The following LRRK1 variants were observed in gnomAD, a reference collection of about 807,000 sequenced individuals.
The protein encoded by LRRK1 is leucine-rich repeat serine/threonine-protein kinase 1.
LRRK1 carries 113 observed loss-of-function variants against 209.1 expected under a neutral mutation model. The observed-to-expected ratio is 0.54, with a 90% CI of 0.46 to 0.63. The LOEUF (loss-of-function observed/expected upper bound fraction) is 0.63, where lower values mean the gene tolerates loss of function less well. Among genes scored for constraint, LRRK1 ranks in the 30% least tolerant of loss-of-function variants. The pLI, the probability that LRRK1 is intolerant of heterozygous loss-of-function variation, is 0.00. For missense variants in LRRK1, 2,284 were observed against 2,632.2 expected (o/e 0.87, Z 2.89); for synonymous variants, 1,144 against 1,099.7 (o/e 1.04, Z -0.80).
chr15:101,058,179 G>A (rs1357599593), intron 29 of LRRK1, 38 bp downstream of exon 29: 1 of 1,604,526 alleles, frequency 6.2e-7, no homozygotes, highest in South Asian at 1.1e-5. Flanking sequence ...CTTTGTATTT[G>A]GGGTGGGAGG....
rs1050230447 is a variant in LRRK1 at position 100,968,652 on chromosome 15, TTTTC to T, written c.98-5136_98-5133del. Among the ~76,000 whole-genome samples the T allele has an allele frequency of 1.1e-3, 159 of 151,426 alleles. No homozygotes were observed. In the East Asian group the frequency reaches 0.013, roughly 12 times the overall value. The stretch of plus-strand genomic sequence containing the variant: ...CTCTCTCTTTCTTTCTTCCTTTTCT[TTTTC>T]TTTCTTTCTTTCTTTTTCTTTCTTT... On this transcript the variant is annotated intron_variant, in intron 2 of 33. Transcript: ENST00000388948.
intron 2 of LRRK1, among the ~76,000 whole-genome samples, chr15:100,963,784 C>T (rs1567203523): frequency 1.3e-5 from 2 of 152,212 alleles, no homozygotes; most frequent in Non-Finnish European, 2.9e-5. Flanking sequence ...AGGCCTCCCA[C>T]GATGGCCAAT....
intron 1 of LRRK1, among the ~76,000 whole-genome samples, chr15:100,920,689 A>G (rs946542003): frequency 8.0e-6 from 1 of 124,780 alleles, no homozygotes; most frequent in African/African-American, 3.0e-5. Context: ...GGGTACCAGC[A>G]TCTCTTTACT....
chr15:101,049,151 C>A (rs1831440503), intron 22 of LRRK1, among the ~76,000 whole-genome samples: 2 of 152,170 alleles, frequency 1.3e-5, no homozygotes, highest in South Asian at 2.1e-4. Flanking sequence ...AAAGTCAGCC[C>A]AACAGGTTTA....
intron 4 of LRRK1, among the ~76,000 whole-genome samples, chr15:100,984,168 A>G (rs1352922328): frequency 1.3e-5 from 2 of 152,288 alleles, no homozygotes; most frequent in South Asian, 2.1e-4. Flanking sequence ...GGCAGGTGCT[A>G]TATTTCAGAA....
chr15:100,983,086 G>A (rs1160305048), intron 3 of LRRK1, among the ~76,000 whole-genome samples: 1 of 152,230 alleles, frequency 6.6e-6, no homozygotes, highest in Non-Finnish European at 1.5e-5. Flanking sequence ...GAGGCAGGGG[G>A]ATCACTTTAG....
intron 20 of LRRK1, among the ~76,000 whole-genome samples, chr15:101,034,833 C>A (rs139924429): frequency 8.7e-4 from 132 of 151,416 alleles, no homozygotes; most frequent in African/African-American, 2.8e-3. Flanking sequence ...TTTTATATTT[C>A]TGGGAATTTG....
At chr15:100,958,995 T>C (rs962920268) in intron 2 of LRRK1, among the ~76,000 whole-genome samples, 3 of 152,040 alleles carry the variant, frequency 2.0e-5, no homozygotes, top group Admixed American at 1.3e-4. Flanking sequence ...CTTGAAAGAG[T>C]TTACATTTTG....
intron 3 of LRRK1, among the ~76,000 whole-genome samples, chr15:100,977,405 A>C (rs534289034): frequency 1.5e-4 from 23 of 152,126 alleles, no homozygotes; most frequent in Non-Finnish European, 2.6e-4. Flanking sequence ...CACCCCAATC[A>C]TCCCCACCCC....
At chr15:101,057,920 T>C (rs779430077) in intron 28 of LRRK1, 70 bp from the exon 29 acceptor site, 4 of 1,548,966 alleles carry the variant, frequency 2.6e-6, no homozygotes, top group Non-Finnish European at 3.5e-6. Context: ...CTGGCTGATC[T>C]CATGGGCAGA....
intron 29 of LRRK1, among the ~76,000 whole-genome samples, chr15:101,059,485 A>C (rs2036027330): frequency 6.8e-6 from 1 of 146,516 alleles, no homozygotes; most frequent in Admixed American, 6.8e-5. Flanking sequence ...AAAAGCAAAC[A>C]TATTAATTAA....
At position 101,045,119 on chromosome 15, in the gene LRRK1, G is replaced by A. The variant is rs566171331; in HGVS notation, c.2964-862G>A. Among the ~76,000 whole-genome samples, 206 of 152,338 alleles carry A rather than the reference G, an allele frequency of 1.4e-3. 1 individual carries two copies. The highest frequency in any genetic ancestry group is 4.7e-3 in the African/African-American group (195 of 41,570). On this transcript the variant is annotated intron_variant, in intron 20 of 33. Coordinates refer to ENST00000388948, the MANE Select transcript of LRRK1 (RefSeq NM_024652.6). ...CGTGTAAGTGAGAGCCGAGACTTGC[G>A]CCTGTATGCTCGGGCCATGGGCTGT... is the stretch of plus-strand genomic sequence containing the variant.
chr15:101,022,660 C>G lies in LRRK1; in HGVS notation c.2067+63C>G, dbSNP rs748773377. The G allele has an allele frequency of 1.1e-5, 13 of 1,193,250 alleles. No homozygotes were observed. Among genetic ancestry groups the G allele is most frequent in the Non-Finnish European group, 1.5e-5 (13 of 850,696 alleles). The allele number at this position is 1,193,250 out of a possible 1,614,324, so 73.9% of individuals were successfully genotyped here. ...GAGGAACATCCCTTGGACTCCTTCT[C>G]CCTTCTCCCCAGAGAGCCCAGGATT... is the stretch of plus-strand genomic sequence containing the variant. On this transcript the variant is annotated intron_variant, in intron 15 of 33. Transcript: ENST00000388948. The surrounding 1 kb of genome is among the most constrained non-coding windows in gnomAD (Gnocchi z 4.0).
chr15:100,997,664 G>A (rs1416035360), intron 6 of LRRK1, among the ~76,000 whole-genome samples: 2 of 152,198 alleles, frequency 1.3e-5, no homozygotes, highest in East Asian at 3.8e-4. Context: ...GGACACACCA[G>A]GGTCTTGCTG....
intron 20 of LRRK1, among the ~76,000 whole-genome samples, chr15:101,039,558 A>G (rs2034645760): frequency 6.6e-6 from 1 of 152,116 alleles, no homozygotes; most frequent in African/African-American, 2.4e-5. Flanking sequence ...TTTTCATTCT[A>G]ATCTTCACAT....
At chr15:100,972,340 G>T (rs1474912423) in intron 2 of LRRK1, among the ~76,000 whole-genome samples, 2 of 95,138 alleles carry the variant, frequency 2.1e-5, no homozygotes, top group African/African-American at 8.2e-5. Flanking sequence ...ATATATGAGA[G>T]AGAGAGAGAG....
intron 29 of LRRK1, among the ~76,000 whole-genome samples, chr15:101,058,350 G>C (rs938146371): frequency 6.6e-6 from 1 of 152,104 alleles, no homozygotes; most frequent in African/African-American, 2.4e-5. Flanking sequence ...GTGGTTAAGA[G>C]ATGCCAAAAA....
intron 2 of LRRK1, among the ~76,000 whole-genome samples, chr15:100,969,873 A>G (rs1396735885): frequency 6.8e-6 from 1 of 146,588 alleles, no homozygotes; most frequent in African/African-American, 2.6e-5. Flanking sequence ...TATATGTATC[A>G]TATTTTCTCT....
At chr15:101,001,978 C>T (rs957302618) in intron 6 of LRRK1, among the ~76,000 whole-genome samples, 1 of 152,176 alleles carries the variant, frequency 6.6e-6, no homozygotes, top group African/African-American at 2.4e-5. Context: ...CAGAGGAACA[C>T]CTGTGTGCAT....
Sources: allele counts gnomAD v4.1 joint callset (sites outside exome capture counted in the v4.1 genomes callset), GRCh38; gene constraint gnomAD v4.1.1; non-coding constraint Gnocchi (gnomAD v3.1); transcripts MANE v1.5; gene names NCBI Gene and HGNC (gene_info 2026-07-23, HGNC 2026-07-21).